Variants in OR2I1 observed in about 807,000 individuals in gnomAD.
OR2I1 encodes putative olfactory receptor 2I1.
At chr6:29,550,428 C>T in the OR2I1 span, 1 of 103,862 alleles carries the variant, frequency 9.6e-6, no homozygotes, top group Admixed American at 9.2e-5. Context: ...CAGCATGCTT[C>T]CTCCTCTCTA....
At chr6:29,554,534 T>G in the OR2I1 span, 1 of 168,722 alleles carries the variant, frequency 5.9e-6, no homozygotes, top group Non-Finnish European at 1.3e-5. Context: ...GTCCCTACCC[T>G]GCAGGAGAGG....
At chr6:29,552,935 A>G in the OR2I1 span, 1 of 270,400 alleles carries the variant, frequency 3.7e-6, no homozygotes. Context: ...TCCATTTTAC[A>G]TGAACTGTTG....
the OR2I1 span, chr6:29,553,577 ACCGCGCGGCCGCAGTGTGCCGC>A: frequency 2.5e-6 from 1 of 398,062 alleles, no homozygotes; most frequent in Non-Finnish European, 4.4e-6. Flanking sequence ...ATGGCTCTGG[ACCGCGCGGCCGCAGTGTGCCGC>A]CCGCTGCGCT....
chr6:29,555,922 C>A, the OR2I1 span: 17 of 1,613,068 alleles, frequency 1.1e-5, no homozygotes, highest in East Asian at 3.8e-4. Flanking sequence ...GTAAGTTGCC[C>A]TTTCTGATGC....
At chr6:29,555,694 A>G in the OR2I1 span, 1 of 579,538 alleles carries the variant, frequency 1.7e-6, no homozygotes, top group Non-Finnish European at 3.0e-6. Flanking sequence ...CACTTAATTA[A>G]TTGTGTTAGA....
the OR2I1 span, chr6:29,555,421 T>TA: frequency 6.2e-6 from 1 of 161,452 alleles, no homozygotes; most frequent in Non-Finnish European, 1.3e-5. Flanking sequence ...CTATGCTCTA[T>TA]AAGTAGAAAT....
the OR2I1 span, chr6:29,557,724 C>A: frequency 6.6e-6 from 1 of 152,214 alleles, no homozygotes; most frequent in Non-Finnish European, 1.5e-5. Flanking sequence ...AGAATGGCTA[C>A]CTTGCAGACT....
chr6:29,552,238 A>C, the OR2I1 span, among the ~76,000 whole-genome samples: 1 of 152,240 alleles, frequency 6.6e-6, no homozygotes, highest in Non-Finnish European at 1.5e-5. Flanking sequence ...CAGGAAACTT[A>C]GATGACATCT....
At chr6:29,552,308 C>T in the OR2I1 span, among the ~76,000 whole-genome samples, 1 of 152,256 alleles carries the variant, frequency 6.6e-6, no homozygotes, top group African/African-American at 2.4e-5. Flanking sequence ...GAAGATTTCC[C>T]CATATCATAT....
chr6:29,553,471 C>G, the OR2I1 span: 37 of 398,604 alleles, frequency 9.3e-5, no homozygotes, highest in Non-Finnish European at 6.2e-5. Flanking sequence ...GGCCAACCTG[C>G]GCGGACCAGC....
At chr6:29,550,795 G>C in the OR2I1 span, 1 of 152,154 alleles carries the variant, frequency 6.6e-6, no homozygotes, top group East Asian at 1.9e-4. Context: ...GCAGGAGCAA[G>C]AGACCAACCT....
the OR2I1 span, chr6:29,555,842 G>A: frequency 3.9e-6 from 6 of 1,526,380 alleles, no homozygotes; most frequent in Non-Finnish European, 4.5e-6. Flanking sequence ...AAAGAAATAA[G>A]CTTTTTGACC....
At chr6:29,556,530 A>G in the OR2I1 span, 2 of 567,118 alleles carry the variant, frequency 3.5e-6, no homozygotes, top group Non-Finnish European at 6.2e-6. Flanking sequence ...TACAACACAA[A>G]TAAGATAATT....
At chr6:29,551,094 C>T in the OR2I1 span, among the ~76,000 whole-genome samples, 3 of 152,250 alleles carry the variant, frequency 2.0e-5, no homozygotes, top group East Asian at 5.8e-4. Context: ...TTATTGTGTG[C>T]CTGTTTTCAT....
chr6:29,555,152 T>C, the OR2I1 span: 1 of 152,172 alleles, frequency 6.6e-6, no homozygotes, highest in Non-Finnish European at 1.5e-5. Context: ...CCCCTAGGAA[T>C]CCCCACTAGT....
the OR2I1 span, chr6:29,553,783 G>A: frequency 1.5e-5 from 6 of 398,470 alleles, no homozygotes; most frequent in Non-Finnish European, 1.8e-5. Context: ...GCTGGCCTGC[G>A]GAGGCGACGG....
chr6:29,550,937 A>G, the OR2I1 span: 1 of 152,200 alleles, frequency 6.6e-6, no homozygotes, highest in Non-Finnish European at 1.5e-5. Flanking sequence ...GTGAAGTTTG[A>G]TGACACATTA....
chr6:29,554,391 C>T, the OR2I1 span: 1 of 374,434 alleles, frequency 2.7e-6, no homozygotes, highest in South Asian at 1.5e-4. Flanking sequence ...GAAAACCTAC[C>T]CCTCACAACT....
At chr6:29,554,536 C>T in the OR2I1 span, 1 of 168,618 alleles carries the variant, frequency 5.9e-6, no homozygotes, top group Non-Finnish European at 1.3e-5. Flanking sequence ...CCCTACCCTG[C>T]AGGAGAGGGT....
Sources: gnomAD v4.1 joint callset for allele counts (sites outside exome capture counted in the v4.1 genomes callset) on GRCh38, gnomAD v4.1.1 for gene constraint, MANE v1.5 for transcripts, NCBI Gene and HGNC (gene_info 2026-07-23, HGNC 2026-07-21) for gene names.